Variants in AFF3 observed in about 807,000 individuals in gnomAD.
The protein encoded by AFF3 is ALF transcription elongation factor 3.
Under a neutral mutation model 129.7 loss-of-function variants are expected in AFF3, and 32 were observed. The observed-to-expected ratio is 0.25, with a 90% confidence interval of 0.19 to 0.33. AFF3 has a LOEUF of 0.33. Ranked by LOEUF, AFF3 falls within the 10% of genes least tolerant of loss-of-function variation. The pLI is 1.00. For synonymous variants in AFF3, 644 were observed against 635.4 expected, an observed-to-expected ratio of 1.01 and a Z score of -0.20; for missense variants, 1,373 against 1,592.0, an observed-to-expected ratio of 0.86 and a Z score of 2.34.
At chr2:99,568,770 A>T in intron 19 of AFF3, 82 bp downstream of exon 19, 2 of 1,335,774 alleles carry the variant, frequency 1.5e-6, no homozygotes, top group Non-Finnish European at 1.1e-6. Context: ...TTTTATAATT[A>T]CCCCAGCTAT....
In AFF3 at chr2:99,724,271, C is replaced by CTTTTTTTTT. The variant is rs58303232; in HGVS notation, c.1091+2797_1091+2805dup. Among the ~76,000 whole-genome samples the CTTTTTTTTT allele has an allele frequency of 6.4e-4, 43 of 66,858 alleles. 6 individuals carry two copies. Among genetic ancestry groups the CTTTTTTTTT allele is most frequent in the Non-Finnish European group, 7.5e-4 (30 of 39,774 alleles). 43.9% of individuals were successfully genotyped at this position (66,858 alleles called of 152,430 possible). The stretch of plus-strand genomic sequence containing the variant: ...TCCTCACTTCAGTGGAATGACCTTT[C>CTTTTTTTTT]TTTTTTTTTTTTTTTTTTTGAGACA... On this transcript the variant is annotated intron_variant, in intron 11 of 24. Transcript: ENST00000672756.
chr2:99,947,213 G>A (rs888462079), intron 7 of AFF3, among the ~76,000 whole-genome samples: 5 of 152,090 alleles, frequency 3.3e-5, no homozygotes, highest in African/African-American at 9.7e-5. Context: ...GGCTGTGGTG[G>A]GCAGATCACT....
At chr2:99,972,845 T>C (rs1006598042) in intron 7 of AFF3, among the ~76,000 whole-genome samples, 1 of 152,140 alleles carries the variant, frequency 6.6e-6, no homozygotes, top group Non-Finnish European at 1.5e-5. Context: ...CTCCCAGAGA[T>C]GAGAGGTGCC....
At chr2:99,989,419 C>G in intron 7 of AFF3, among the ~76,000 whole-genome samples, 1 of 152,200 alleles carries the variant, frequency 6.6e-6, no homozygotes, top group East Asian at 1.9e-4. Context: ...CATACAACAT[C>G]CATTAACACT....
intron 4 of AFF3, among the ~76,000 whole-genome samples, chr2:100,054,329 G>A (rs553021242): frequency 1.3e-5 from 2 of 152,346 alleles, no homozygotes; most frequent in South Asian, 2.1e-4. Flanking sequence ...TATTCTGGCT[G>A]TTTCTGGATA....
intron 13 of AFF3, among the ~76,000 whole-genome samples, chr2:99,617,298 C>T (rs1681535244): frequency 6.6e-6 from 1 of 152,216 alleles, no homozygotes; most frequent in Non-Finnish European, 1.5e-5. Context: ...CTAACTTCTC[C>T]ACATGCTTGT....
intron 7 of AFF3, among the ~76,000 whole-genome samples, chr2:99,880,966 C>G (rs1055494770): frequency 6.6e-6 from 1 of 152,196 alleles, no homozygotes; most frequent in African/African-American, 2.4e-5. Context: ...CAGCAGAGAG[C>G]ACTTACTTCA....
chr2:100,135,672 T>C (rs567599277), intron 1 of AFF3, among the ~76,000 whole-genome samples: 2 of 152,174 alleles, frequency 1.3e-5, no homozygotes, highest in African/African-American at 4.8e-5. Flanking sequence ...TGAGCCACCA[T>C]GGTTTAGGGT....
intron 7 of AFF3, among the ~76,000 whole-genome samples, chr2:99,922,405 G>A (rs1205946626): frequency 6.6e-6 from 1 of 152,168 alleles, no homozygotes; most frequent in Non-Finnish European, 1.5e-5. Context: ...AATTAATGAT[G>A]CAGACAATGA....
At chr2:100,032,964 C>A (rs1428324815) in intron 4 of AFF3, among the ~76,000 whole-genome samples, 1 of 152,176 alleles carries the variant, frequency 6.6e-6, no homozygotes, top group Non-Finnish European at 1.5e-5. Context: ...GTAAGTCCAA[C>A]AACCTTATTC....
At chr2:100,004,497 G>C (rs1681763668) in intron 7 of AFF3, among the ~76,000 whole-genome samples, 1 of 152,018 alleles carries the variant, frequency 6.6e-6, no homozygotes, top group Admixed American at 6.5e-5. Flanking sequence ...ATGTTGCCCA[G>C]GCTGGTCTTG....
At chr2:99,627,296 G>A (rs1558664249) in intron 13 of AFF3, among the ~76,000 whole-genome samples, 1 of 151,906 alleles carries the variant, frequency 6.6e-6, no homozygotes, top group East Asian at 1.9e-4. Flanking sequence ...GTATCTCAGT[G>A]TCGTTTTGAT....
At chr2:99,572,732 C>T (rs1310195677) in intron 18 of AFF3, 1 of 433,446 alleles carries the variant, frequency 2.3e-6, no homozygotes, top group Non-Finnish European at 4.6e-6. Context: ...GAGGAGAATG[C>T]ATAAGAAATT....
intron 7 of AFF3, among the ~76,000 whole-genome samples, chr2:99,933,275 C>T (rs965889379): frequency 1.3e-5 from 2 of 152,036 alleles, no homozygotes; most frequent in Non-Finnish European, 2.9e-5. Flanking sequence ...GAGAACTCAT[C>T]AAGAAAGCAA....
chr2:100,117,817 A>G (rs1211435307), intron 2 of AFF3, among the ~76,000 whole-genome samples: 3 of 152,326 alleles, frequency 2.0e-5, no homozygotes, highest in Admixed American at 6.5e-5. Context: ...TCTTTACATA[A>G]TTTCACAAGT....
chr2:100,000,319 C>T (rs1204158633), intron 7 of AFF3, among the ~76,000 whole-genome samples: 6 of 151,948 alleles, frequency 3.9e-5, no homozygotes, highest in Middle Eastern at 3.2e-3. Flanking sequence ...AAAACAAATA[C>T]GCAGAAAAAG....
Position 99,768,650 on chromosome 2 carries a change from C to T in AFF3, c.922-16349G>A, listed in dbSNP as rs115534566. Among the ~76,000 whole-genome samples, 614 of 152,270 alleles carry T rather than the reference C, an allele frequency of 4.0e-3. 4 individuals carry two copies. The highest frequency in any genetic ancestry group is 0.014 in the African/African-American group (574 of 41,550). On this transcript the variant is annotated intron_variant, in intron 8 of 24. Coordinates refer to ENST00000672756, the MANE Select transcript of AFF3 (RefSeq NM_001386135.1). ...TGTCTTTTTCTTTCAGATTAAATAT[C>T]TCCCTTCAGCATTTCTTATACGACA...
At chr2:100,118,587 A>G (rs1448628663) in intron 2 of AFF3, among the ~76,000 whole-genome samples, 8 of 152,146 alleles carry the variant, frequency 5.3e-5, no homozygotes, top group Non-Finnish European at 5.9e-5. Context: ...TTTACCAAGG[A>G]TAAGTATTTT....
chr2:99,614,125 T>G (rs974748747), intron 13 of AFF3, among the ~76,000 whole-genome samples: 8 of 151,190 alleles, frequency 5.3e-5, no homozygotes, highest in Non-Finnish European at 1.2e-4. Flanking sequence ...GAACCAGGAG[T>G]GGGATGGGAG....
Sources: allele counts gnomAD v4.1 joint callset (sites outside exome capture counted in the v4.1 genomes callset), GRCh38; gene constraint gnomAD v4.1.1; transcripts MANE v1.5; gene names NCBI Gene and HGNC (gene_info 2026-07-23, HGNC 2026-07-21).